The following PGBD5 variants were observed in gnomAD, a reference collection of about 807,000 sequenced individuals.
The protein encoded by PGBD5 is piggyBac transposable element-derived protein 5.
A neutral mutation model predicts 47.9 loss-of-function variants in PGBD5; 14 were observed. That is an observed-to-expected ratio of 0.29 (90% CI 0.19 to 0.46). The LOEUF is 0.46. PGBD5 is among the 20% of genes least tolerant of loss of function. The pLI is 1.00. For missense variants in PGBD5, 635 were observed against 716.0 expected (o/e 0.89, Z 1.29); for synonymous variants, 316 against 306.3 (o/e 1.03, Z -0.33).
At chr1:230,375,652 C>CT (rs199545872) in intron 1 of PGBD5, among the ~76,000 whole-genome samples, 19,284 of 103,920 alleles carry the variant, frequency 0.19, 3,215 homozygotes, top group Non-Finnish European at 0.23. Context: ...TCCTATTTGA[C>CT]TTTTTTTTTT....
At chr1:230,372,126 C>A (rs1253254527) in intron 1 of PGBD5, among the ~76,000 whole-genome samples, 8 of 152,184 alleles carry the variant, frequency 5.3e-5, no homozygotes, top group Admixed American at 4.6e-4. Context: ...ACACACAAAG[C>A]AAATGCATTT....
chr1:230,325,875 T>C (rs1667108518), intron 5 of PGBD5, among the ~76,000 whole-genome samples: 1 of 151,976 alleles, frequency 6.6e-6, no homozygotes, highest in South Asian at 2.1e-4. Flanking sequence ...TCCACCTGCC[T>C]TCATCAAAGC....
intron 1 of PGBD5, among the ~76,000 whole-genome samples, chr1:230,375,770 C>A (rs538332371): frequency 8.7e-5 from 13 of 149,706 alleles, no homozygotes; most frequent in African/African-American, 3.0e-4. Context: ...CCCCTAGACA[C>A]GTACTAGTGT....
At chr1:230,411,166 C>T (rs1410788151) in intron 1 of PGBD5, among the ~76,000 whole-genome samples, 2 of 152,078 alleles carry the variant, frequency 1.3e-5, no homozygotes, top group Non-Finnish European at 2.9e-5. Flanking sequence ...GCCTGTAGTC[C>T]CAGCTACTCA....
rs550268632 is a variant in PGBD5, at chr1:230,339,072, C to T, written c.895-1784G>A. Among the ~76,000 whole-genome samples the T allele has an allele frequency of 1.1e-4, 16 of 152,340 alleles. 3 individuals carry two copies. In the South Asian group the frequency reaches 3.3e-3, roughly 32 times the overall value. ...GTGTGTGCACACCAGGGGCAGGAAG[C>T]CTGTATCTTTGAGTTCTAACACACA... On this transcript the variant is annotated intron_variant, in intron 3 of 6. Coordinates refer to ENST00000391860, the MANE Select transcript of PGBD5 (RefSeq NM_001258311.2).
intron 1 of PGBD5, among the ~76,000 whole-genome samples, chr1:230,407,253 C>T (rs1172594423): frequency 6.6e-6 from 1 of 152,164 alleles, no homozygotes; most frequent in African/African-American, 2.4e-5. Flanking sequence ...CAGACAACTC[C>T]TTGTAGTTTT....
chr1:230,367,816 AACC>A (rs1571843635), intron 1 of PGBD5: 2 of 1,104,528 alleles, frequency 1.8e-6, no homozygotes, highest in East Asian at 1.2e-4. Flanking sequence ...TCATCATATC[AACC>A]ACTACAAAGA....
At chr1:230,336,765 C>T (rs1484835551) in intron 4 of PGBD5, among the ~76,000 whole-genome samples, 1 of 152,150 alleles carries the variant, frequency 6.6e-6, no homozygotes, top group Non-Finnish European at 1.5e-5. Context: ...CAGAGACTTC[C>T]TAGAGCCTTA....
At chr1:230,340,081 G>C (rs1667387727) in intron 3 of PGBD5, among the ~76,000 whole-genome samples, 1 of 152,066 alleles carries the variant, frequency 6.6e-6, no homozygotes, top group African/African-American at 2.4e-5. Context: ...TTCAAAATAT[G>C]TTGTACACAA....
At chr1:230,421,754 A>T (rs539411854) in intron 1 of PGBD5, among the ~76,000 whole-genome samples, 8 of 152,258 alleles carry the variant, frequency 5.3e-5, no homozygotes, top group African/African-American at 1.7e-4. Flanking sequence ...TTTGCCTAAG[A>T]TTATCTTGCA....
intron 1 of PGBD5, among the ~76,000 whole-genome samples, chr1:230,404,629 A>AATATATATAT (rs1231804089): frequency 5.5e-5 from 6 of 108,472 alleles, no homozygotes; most frequent in African/African-American, 1.4e-4. Context: ...AAAAAAAAAA[A>AATATATATAT]ATATATATAT....
At chr1:230,330,202 G>C (rs1667190119) in intron 5 of PGBD5, among the ~76,000 whole-genome samples, 1 of 152,082 alleles carries the variant, frequency 6.6e-6, no homozygotes, top group Non-Finnish European at 1.5e-5. Context: ...TTAAAATCTG[G>C]GGGCATCTTC....
intron 5 of PGBD5, among the ~76,000 whole-genome samples, chr1:230,327,128 G>A (rs1260067710): frequency 3.9e-5 from 6 of 151,938 alleles, no homozygotes; most frequent in African/African-American, 1.2e-4. Flanking sequence ...GCGGCCATTC[G>A]AGAGTGGCTG....
intron 1 of PGBD5, among the ~76,000 whole-genome samples, chr1:230,397,128 AT>A (rs1307415396): frequency 6.6e-6 from 1 of 152,124 alleles, no homozygotes; most frequent in East Asian, 1.9e-4. Context: ...GAGGCCTCCC[AT>A]TGCCCACCCG....
intron 4 of PGBD5, among the ~76,000 whole-genome samples, chr1:230,336,797 C>T (rs576596360): frequency 2.0e-5 from 3 of 150,902 alleles, no homozygotes; most frequent in East Asian, 4.0e-4. Context: ...GTCCAGGGGA[C>T]GCAGGCTTTT....
rs1478749697 is a variant in PGBD5, at chr1:230,319,028, C to T, written c.*4397G>A. ...GGATTGGATATGGAAAGGAGAAAAT[C>T]CCCCACAAAGTTGTCAGGTAAGTCA... is the stretch of plus-strand genomic sequence containing the variant. On this transcript the variant is annotated 3_prime_UTR_variant, in exon 7 of 7. Transcript: ENST00000391860. 2.0e-5 allele frequency: 3 copies of T among 152,246 alleles called. No individual in the cohort carries two copies. Among genetic ancestry groups the T allele is most frequent in the Non-Finnish European group, 4.4e-5 (3 of 68,074 alleles). The allele number at this position is 152,246 out of a possible 1,614,324, so 9.4% of individuals were successfully genotyped here. A position where few individuals can be genotyped will look rare whatever the true frequency, so the allele number is the denominator to read the frequency against.
chr1:230,386,926 C>G (rs1008483424), intron 1 of PGBD5, among the ~76,000 whole-genome samples: 3 of 152,182 alleles, frequency 2.0e-5, no homozygotes, highest in Non-Finnish European at 4.4e-5. Flanking sequence ...CTTCCTTCTA[C>G]CCACATAAAT....
intron 1 of PGBD5, among the ~76,000 whole-genome samples, chr1:230,365,019 C>CAAAA (rs879775744): frequency 1.0e-5 from 1 of 100,180 alleles, no homozygotes; most frequent in African/African-American, 3.8e-5. Context: ...GACTCCATCT[C>CAAAA]AAAAAAAAAA....
At chr1:230,352,093 G>A (rs1412283236) in intron 2 of PGBD5, among the ~76,000 whole-genome samples, 3 of 114,450 alleles carry the variant, frequency 2.6e-5, no homozygotes, top group African/African-American at 8.2e-5. Context: ...TCTACACGAT[G>A]CCCTAGATCG....
Sources: gnomAD v4.1 joint callset for allele counts (sites outside exome capture counted in the v4.1 genomes callset) on GRCh38, gnomAD v4.1.1 for gene constraint, MANE v1.5 for transcripts, NCBI Gene and HGNC (gene_info 2026-07-23, HGNC 2026-07-21) for gene names.